Variants in DGKG observed in about 807,000 individuals in gnomAD.
The protein encoded by DGKG is diacylglycerol kinase gamma.
In DGKG, 78 loss-of-function variants were observed where a neutral mutation model predicts 105.3. That is an observed-to-expected ratio of 0.74 (90% confidence interval 0.62 to 0.89). DGKG has a LOEUF of 0.89. DGKG is among the 40% of genes least tolerant of loss of function. The probability of loss-of-function intolerance (pLI) is 0.00; values close to 1 mark genes in which losing one functional copy is unlikely to be tolerated. For missense variants in DGKG, 958 were observed against 1,020.1 expected (o/e 0.94, Z 0.83); for synonymous variants, 346 against 367.1 (o/e 0.94, Z 0.66).
At chr3:186,188,046 G>A (rs780963496) in intron 22 of DGKG, among the ~76,000 whole-genome samples, 156 bp downstream of exon 22, 10 of 152,208 alleles carry the variant, frequency 6.6e-5, no homozygotes, top group Non-Finnish European at 1.2e-4. Context: ...TCTGGATTAA[G>A]TTGTAAACTT....
chr3:186,260,299 A>C, intron 16 of DGKG, 140 bp downstream of exon 16: 2 of 671,638 alleles, frequency 3.0e-6, no homozygotes, highest in Non-Finnish European at 5.2e-6. Flanking sequence ...CAGACGTGAG[A>C]AAAAGCAGAG....
chr3:186,160,796 AC>A, intron 24 of DGKG: 7 of 985,462 alleles, frequency 7.1e-6, no homozygotes, highest in Non-Finnish European at 7.2e-6. Flanking sequence ...GCTCTTCACC[AC>A]GAGATTCTAG....
intron 1 of DGKG, among the ~76,000 whole-genome samples, chr3:186,345,541 C>T (rs988184908): frequency 1.3e-5 from 2 of 152,106 alleles, no homozygotes; most frequent in Non-Finnish European, 2.9e-5. Context: ...ATTGAAAACT[C>T]TGTAACTATT....
At chr3:186,313,598 T>C (rs1275399857) in intron 2 of DGKG, 1 of 859,680 alleles carries the variant, frequency 1.2e-6, no homozygotes, top group Non-Finnish European at 1.4e-6. Flanking sequence ...CAGCATCACC[T>C]GGGAGCTTGT....
chr3:186,322,090 G>A (rs1725108560), intron 1 of DGKG, among the ~76,000 whole-genome samples: 1 of 152,088 alleles, frequency 6.6e-6, no homozygotes, highest in Non-Finnish European at 1.5e-5. Flanking sequence ...ATGTTTCTGG[G>A]TGTTTCTTGT....
At position 186,301,209 on chromosome 3, in the gene DGKG, T is replaced by C. The variant is rs144781658; in HGVS notation, c.145-2980A>G. On this transcript the variant is annotated intron_variant, in intron 3 of 24. Transcript: ENST00000265022. ...GTTCCATACATCTCACCTGGGCCATTGCAATACCTCTCCAAGGCTTCCTTA... is the reference window on the plus strand; with the variant it reads ...GTTCCATACATCTCACCTGGGCCATCGCAATACCTCTCCAAGGCTTCCTTA... Among the ~76,000 whole-genome samples the C allele has an allele frequency of 1.3e-3, 198 of 152,336 alleles. 2 individuals carry two copies. In the South Asian group the frequency reaches 0.026, roughly 20 times the overall value.
chr3:186,323,424 C>T (rs780119144), intron 1 of DGKG, among the ~76,000 whole-genome samples: 2 of 152,034 alleles, frequency 1.3e-5, no homozygotes, highest in East Asian at 1.9e-4. Flanking sequence ...CCCTGTTTTG[C>T]GGATGAGAAA....
intron 14 of DGKG, 102 bp from the exon 15 acceptor site, chr3:186,261,880 A>C (rs1250261563): frequency 2.8e-6 from 2 of 706,708 alleles, no homozygotes; most frequent in Non-Finnish European, 2.4e-6. Context: ...GATGAGAAGC[A>C]GGAGGGCAGG....
At chr3:186,279,783 T>G in intron 9 of DGKG, 68 bp downstream of exon 9, 2 of 1,577,918 alleles carry the variant, frequency 1.3e-6, no homozygotes, top group South Asian at 1.2e-5. Context: ...AGTGATATGT[T>G]GATATTAACA....
chr3:186,192,902 A>C (rs531059473), intron 21 of DGKG, among the ~76,000 whole-genome samples: 1 of 152,220 alleles, frequency 6.6e-6, no homozygotes, highest in East Asian at 1.9e-4. Context: ...GTCCTTGACA[A>C]ATAGTATTCC....
At position 186,345,784 on chromosome 3, in the gene DGKG, T is replaced by C. The variant is rs144512628; in HGVS notation, c.-249+16162A>G. 1.6e-4 allele frequency among the ~76,000 whole-genome samples: 24 copies of C among 152,316 alleles called. No homozygotes were observed. In the East Asian group the frequency reaches 4.6e-3, roughly 29 times the overall value. On this transcript the variant is annotated intron_variant, in intron 1 of 24. Coordinates refer to ENST00000265022, the MANE Select transcript of DGKG (RefSeq NM_001346.3). ...TGCATATAGTTTTGTTTTGTTTTGT[T>C]TTTGAGACCGAGTCTCGCTCTGTCG...
chr3:186,226,762 A>G lies in DGKG; in HGVS notation c.1827-14877T>C, dbSNP rs530284166. ...ACTTTCAGGATTAAAGGGACACTCC[A>G]TTTAACAGAATAGAAAACATCTTGT... On this transcript the variant is annotated intron_variant, in intron 20 of 24. Coordinates refer to ENST00000265022, the MANE Select transcript of DGKG (RefSeq NM_001346.3). This position sits in a 1 kb window ranked among gnomAD's most constrained non-coding sequence, Gnocchi z 4.2. Among the ~76,000 whole-genome samples, 552 of 152,334 alleles carry G rather than the reference A, an allele frequency of 3.6e-3. 3 individuals are homozygous for G. Among genetic ancestry groups the G allele is most frequent in the African/African-American group, 0.013 (528 of 41,580 alleles).
intron 14 of DGKG, among the ~76,000 whole-genome samples, chr3:186,262,260 T>C (rs1721813822): frequency 6.6e-6 from 1 of 152,104 alleles, no homozygotes; most frequent in African/African-American, 2.4e-5. Context: ...GGCCAGTGGG[T>C]AGTACTGTCG....
intron 13 of DGKG, 47 bp downstream of exon 13, chr3:186,267,638 C>T: frequency 1.3e-6 from 2 of 1,502,954 alleles, no homozygotes; most frequent in Non-Finnish European, 1.9e-6. Flanking sequence ...ACATCTGAAA[C>T]CAGAACCCGG....
rs547226471 is a variant in DGKG, at chr3:186,269,772, G to A, written c.1000-855C>T. Among the ~76,000 whole-genome samples the A allele has an allele frequency of 3.3e-5, 5 of 152,296 alleles. No individual in the cohort carries two copies. In the South Asian group the frequency reaches 1.0e-3, roughly 32 times the overall value. On this transcript the variant is annotated intron_variant, in intron 11 of 24. Transcript: ENST00000265022. Reference sequence around the variant, plus strand: ...GGTGCTTTTCACACCTGTTTCCTGGGGAGCTGGTTGTATCTGCTCCGTGAC... The same window carrying A: ...GGTGCTTTTCACACCTGTTTCCTGGAGAGCTGGTTGTATCTGCTCCGTGAC...
At chr3:186,285,360 A>G (rs909033022) in intron 6 of DGKG, among the ~76,000 whole-genome samples, 1 of 152,218 alleles carries the variant, frequency 6.6e-6, no homozygotes, top group African/African-American at 2.4e-5. Flanking sequence ...TGTCCTATAG[A>G]CTTTCTCATT....
chr3:186,217,211 T>G (rs1204025563), intron 20 of DGKG, among the ~76,000 whole-genome samples: 6 of 152,220 alleles, frequency 3.9e-5, no homozygotes, highest in African/African-American at 1.4e-4. Flanking sequence ...AACGATGTTT[T>G]CATGGCTGCT....
rs753178459 is a variant in DGKG at position 186,298,064 on chromosome 3, C to A, written c.310G>T (p.Asp104Tyr). 6.2e-7 allele frequency: 1 copy of A among 1,606,070 alleles called. No homozygotes were observed. The highest frequency in any genetic ancestry group is 8.5e-7 in the Non-Finnish European group (1 of 1,176,448). ...CCATCTTGGGGAAAGCTCTGTGTAC[C>A]TGCGCTGTTGGCCTCACTGTTGCTG... ...GASNSEANSA[D>Y]TNIQNADNAT... The change falls in exon 4 of 25, where the codon GAT becomes TAT. Residue 104 changes from aspartate to tyrosine, a missense_variant and splice_region_variant. By Grantham distance (160) the Asp-to-Tyr change is radical. Around this residue, in one of 2 missense-constraint regions of DGKG, gnomAD observed 643 missense variants for 619.5 expected, o/e 1.04. Coordinates refer to ENST00000265022, the MANE Select transcript of DGKG (RefSeq NM_001346.3).
intron 1 of DGKG, among the ~76,000 whole-genome samples, chr3:186,337,242 A>G (rs1725872065): frequency 6.6e-6 from 1 of 152,224 alleles, no homozygotes; most frequent in East Asian, 1.9e-4. Context: ...AAAATTCAGT[A>G]TAGCATTAAA....
Sources: allele counts gnomAD v4.1 joint callset (sites outside exome capture counted in the v4.1 genomes callset), GRCh38; gene constraint gnomAD v4.1.1; regional missense constraint gnomAD v4.1.1; non-coding constraint Gnocchi (gnomAD v3.1); transcripts MANE v1.5; gene names NCBI Gene and HGNC (gene_info 2026-07-23, HGNC 2026-07-21).